Variants in EPHA3 observed in about 807,000 individuals in gnomAD.
The protein encoded by EPHA3 is ephrin type-A receptor 3.
EPHA3 carries 42 observed loss-of-function variants against 107.1 expected under a neutral mutation model. The observed-to-expected ratio is 0.39, with a 90% CI of 0.31 to 0.51. The LOEUF is 0.51. EPHA3 is among the 20% of genes least tolerant of loss of function. The pLI is 0.78. For missense variants in EPHA3, 1,183 were observed against 1,211.2 expected, an observed-to-expected ratio of 0.98 and a Z score of 0.35; for synonymous variants, 461 against 424.8, an observed-to-expected ratio of 1.09 and a Z score of -1.05.
At chr3:89,342,205 T>C in intron 5 of EPHA3, 115 bp downstream of exon 5, 2 of 915,868 alleles carry the variant, frequency 2.2e-6, no homozygotes, top group Non-Finnish European at 3.2e-6. Context: ...CCCCAGGATT[T>C]TGCCTTCTAA....
chr3:89,189,447 G>T (rs747147316), intron 2 of EPHA3, among the ~76,000 whole-genome samples: 4 of 151,876 alleles, frequency 2.6e-5, no homozygotes, highest in Non-Finnish European at 5.9e-5. Context: ...ACAAAAATTA[G>T]CTGGGCACGG....
At chr3:89,413,865 T>C (rs1343460834) in intron 10 of EPHA3, among the ~76,000 whole-genome samples, 1 of 151,714 alleles carries the variant, frequency 6.6e-6, no homozygotes, top group African/African-American at 2.4e-5. Context: ...ACCTATTAAG[T>C]GGTTAATAAC....
chr3:89,351,152 G>T (rs1358342058), intron 5 of EPHA3, among the ~76,000 whole-genome samples: 1 of 151,270 alleles, frequency 6.6e-6, no homozygotes, highest in Non-Finnish European at 1.5e-5. Flanking sequence ...CACCCAGTTC[G>T]AGCTTCCCCG....
chr3:89,167,874 G>C (rs184303650), intron 2 of EPHA3, among the ~76,000 whole-genome samples: 1 of 152,140 alleles, frequency 6.6e-6, no homozygotes, highest in African/African-American at 2.4e-5. Flanking sequence ...ATTGCAAAAG[G>C]TGGGAACAAC....
rs560367808 is a variant in EPHA3 at position 89,109,317 on chromosome 3, G to A, written c.88+1481G>A. ...CATTCTTCCTGAATGAAAGGTAAGAGTATTCATTTGTATAACGGGTAACAT... is the reference window on the plus strand; with the variant it reads ...CATTCTTCCTGAATGAAAGGTAAGAATATTCATTTGTATAACGGGTAACAT... On this transcript the variant is annotated intron_variant, in intron 1 of 16. Coordinates refer to ENST00000336596, the MANE Select transcript of EPHA3 (RefSeq NM_005233.6). 2.6e-5 allele frequency among the ~76,000 whole-genome samples: 4 copies of A among 152,134 alleles called. No homozygotes were observed. The East Asian group carries it at 7.7e-4, about 29-fold the overall frequency.
intron 16 of EPHA3, among the ~76,000 whole-genome samples, chr3:89,476,134 ATATAT>A (rs1299207690): frequency 1.4e-5 from 2 of 147,512 alleles, no homozygotes; most frequent in Admixed American, 6.8e-5. Context: ...AATATATATT[ATATAT>A]TATATATAAT....
At chr3:89,324,438 T>G (rs560414009) in intron 3 of EPHA3, among the ~76,000 whole-genome samples, 1 of 152,154 alleles carries the variant, frequency 6.6e-6, no homozygotes, top group African/African-American at 2.4e-5. Flanking sequence ...CCAGGCGCTG[T>G]GGCTCACGCT....
intron 3 of EPHA3, among the ~76,000 whole-genome samples, chr3:89,250,655 C>T (rs1705140965): frequency 6.6e-6 from 1 of 152,182 alleles, no homozygotes; most frequent in Non-Finnish European, 1.5e-5. Flanking sequence ...GTTCAACAAA[C>T]TGGATGTAAT....
intron 14 of EPHA3, 34 bp from the exon 15 acceptor site, chr3:89,450,143 T>G (rs371542525): frequency 2.6e-6 from 4 of 1,525,430 alleles, no homozygotes; most frequent in Non-Finnish European, 2.6e-6. Flanking sequence ...TCCTGAAAAC[T>G]TCCTGGTTCC....
At chr3:89,435,945 T>A (rs1709661777) in intron 13 of EPHA3, among the ~76,000 whole-genome samples, 1 of 149,970 alleles carries the variant, frequency 6.7e-6, no homozygotes, top group Admixed American at 6.7e-5. Flanking sequence ...AGAGTGAGAA[T>A]CCATCTCAAT....
At chr3:89,128,004 G>A (rs1013180784) in intron 2 of EPHA3, among the ~76,000 whole-genome samples, 4 of 152,066 alleles carry the variant, frequency 2.6e-5, no homozygotes, top group African/African-American at 4.8e-5. Flanking sequence ...ACACAATTGT[G>A]TAATAAATTC....
intron 3 of EPHA3, among the ~76,000 whole-genome samples, chr3:89,283,866 T>C (rs1207687973): frequency 4.6e-5 from 7 of 152,218 alleles, no homozygotes; most frequent in Non-Finnish European, 1.0e-4. Context: ...AAATGGAATA[T>C]GTTTTGTCTT....
chr3:89,277,608 C>A (rs1375422374), intron 3 of EPHA3, among the ~76,000 whole-genome samples: 2 of 152,002 alleles, frequency 1.3e-5, no homozygotes, highest in Admixed American at 6.6e-5. Context: ...CATACTCTGG[C>A]CTGCTTTTGT....
chr3:89,185,793 A>G (rs1705549854), intron 2 of EPHA3, among the ~76,000 whole-genome samples: 1 of 152,026 alleles, frequency 6.6e-6, no homozygotes, highest in African/African-American at 2.4e-5. Context: ...TTAACATTCT[A>G]TTATACCCAG....
At chr3:89,175,353 A>G (rs1705299438) in intron 2 of EPHA3, among the ~76,000 whole-genome samples, 2 of 152,082 alleles carry the variant, frequency 1.3e-5, no homozygotes. Flanking sequence ...TATACCAACC[A>G]TACCCAGATT....
intron 3 of EPHA3, among the ~76,000 whole-genome samples, chr3:89,325,231 A>G (rs1341490915): frequency 6.6e-6 from 1 of 152,122 alleles, no homozygotes; most frequent in Non-Finnish European, 1.5e-5. Flanking sequence ...ATCATCTAAA[A>G]TCTTCATATC....
chr3:89,112,288 A>G (rs1351125829), intron 1 of EPHA3, among the ~76,000 whole-genome samples: 1 of 152,040 alleles, frequency 6.6e-6, no homozygotes, highest in African/African-American at 2.4e-5. Flanking sequence ...GTTTTTGGTA[A>G]AGTTTTTCAT....
intron 15 of EPHA3, among the ~76,000 whole-genome samples, chr3:89,451,762 A>G (rs1709995205): frequency 6.6e-6 from 1 of 152,100 alleles, no homozygotes; most frequent in African/African-American, 2.4e-5. Flanking sequence ...GGTCTCAATA[A>G]TAGTATCCCG....
At chr3:89,246,805 T>A (rs941030065) in intron 3 of EPHA3, among the ~76,000 whole-genome samples, 11 of 151,374 alleles carry the variant, frequency 7.3e-5, no homozygotes, top group Non-Finnish European at 1.5e-4. Context: ...TATTTAAATC[T>A]TTTTTTTTAT....
Sources: gnomAD v4.1 joint callset for allele counts (sites outside exome capture counted in the v4.1 genomes callset) on GRCh38, gnomAD v4.1.1 for gene constraint, MANE v1.5 for transcripts, NCBI Gene and HGNC (gene_info 2026-07-23, HGNC 2026-07-21) for gene names.